Variants in WDFY4 observed in about 807,000 individuals in gnomAD.
The protein encoded by WDFY4 is WDFY family member 4.
In WDFY4, 169 loss-of-function variants were observed where a neutral mutation model predicts 351.9. That is an observed-to-expected ratio of 0.48 (90% CI 0.42 to 0.55). WDFY4 has a LOEUF of 0.55. Among genes scored for constraint, WDFY4 ranks in the 20% least tolerant of loss-of-function variants. The pLI is 0.00. For missense variants in WDFY4, 3,803 were observed against 3,935.6 expected, an observed-to-expected ratio of 0.97 and a Z score of 0.90; for synonymous variants, 1,622 against 1,574.6, an observed-to-expected ratio of 1.03 and a Z score of -0.71.
At chr10:48,887,929 C>A (rs1004714403) in intron 43 of WDFY4, among the ~76,000 whole-genome samples, 1 of 152,164 alleles carries the variant, frequency 6.6e-6, no homozygotes, top group Admixed American at 6.5e-5. Flanking sequence ...TAAACTGTAG[C>A]ATATCCATTC....
At chr10:48,726,160 T>G in intron 6 of WDFY4, 90 bp downstream of exon 6, 1 of 1,409,258 alleles carries the variant, frequency 7.1e-7, no homozygotes, top group Non-Finnish European at 9.5e-7. Flanking sequence ...CTTTCTACAA[T>G]GAGACTTGGG....
intron 41 of WDFY4, among the ~76,000 whole-genome samples, chr10:48,874,277 G>A (rs374313232): frequency 1.2e-4 from 19 of 152,294 alleles, no homozygotes; most frequent in African/African-American, 2.9e-4. Context: ...GAACTGTGTC[G>A]CAAACTCTTA....
intron 47 of WDFY4, among the ~76,000 whole-genome samples, chr10:48,914,883 C>G (rs561506781): frequency 2.0e-5 from 3 of 152,134 alleles, no homozygotes; most frequent in Non-Finnish European, 4.4e-5. Context: ...ATGGGGGGTG[C>G]GGGCAAAGCT....
intron 2 of WDFY4, among the ~76,000 whole-genome samples, chr10:48,715,736 C>T (rs1429021372): frequency 6.6e-6 from 1 of 152,158 alleles, no homozygotes; most frequent in African/African-American, 2.4e-5. Context: ...TGCCATTCTC[C>T]TGCCTCAGCC....
chr10:48,958,593 T>A (rs1279305937), intron 52 of WDFY4, among the ~76,000 whole-genome samples: 1 of 152,130 alleles, frequency 6.6e-6, no homozygotes, highest in East Asian at 1.9e-4. Flanking sequence ...GCACCTACTG[T>A]ATATAGGGAC....
intron 47 of WDFY4, among the ~76,000 whole-genome samples, chr10:48,934,416 C>T (rs565535002): frequency 6.6e-6 from 1 of 152,182 alleles, no homozygotes; most frequent in Admixed American, 6.5e-5. Context: ...GGGGATACAG[C>T]AATTGAGGCT....
At chr10:48,797,301 C>T (rs1374717887) in intron 24 of WDFY4, among the ~76,000 whole-genome samples, 1 of 152,138 alleles carries the variant, frequency 6.6e-6, no homozygotes, top group Non-Finnish European at 1.5e-5. Flanking sequence ...GGTTAGACTG[C>T]CCAGACTACA....
At chr10:48,881,095 G>T (rs578260092) in intron 43 of WDFY4, among the ~76,000 whole-genome samples, 4 of 152,366 alleles carry the variant, frequency 2.6e-5, no homozygotes, top group South Asian at 4.1e-4. Flanking sequence ...TTGACATGGG[G>T]CTGTGTCTCT....
Position 48,709,814 on chromosome 10 carries a change from C to A in WDFY4, c.82C>A (p.Gln28Lys), listed in dbSNP as rs1403939414. 1.3e-6 allele frequency: 2 copies of A among 1,551,786 alleles called. No homozygotes were observed. Among genetic ancestry groups the A allele is most frequent in the Admixed American group, 2.0e-5 (1 of 50,994 alleles). Residue 28 changes from glutamine (Q) to lysine (K), a missense_variant, in exon 2 of 62, where the codon CAG (glutamine) becomes AAG (lysine). By Grantham distance (53) the Gln-to-Lys change is moderately conservative. This residue lies in a region of WDFY4 where 488 missense variants were observed against 456.8 expected (regional missense o/e 1.07). Coordinates refer to ENST00000325239, the MANE Select transcript of WDFY4 (RefSeq NM_001394531.1). ...SKNEGQLAAV[Q>K]PDVPHGGQSS... is the part of the protein sequence containing the mutation. ...AAATGAAGGGCAGCTTGCTGCTGTG[C>A]AGCCTGATGTCCCACATGGAGGGCA...
At chr10:48,914,450 G>T (rs892054511) in intron 47 of WDFY4, among the ~76,000 whole-genome samples, 4 of 152,156 alleles carry the variant, frequency 2.6e-5, no homozygotes, top group African/African-American at 7.2e-5. Context: ...GAGGTGCAGG[G>T]TCAGCCTGAA....
chr10:48,931,464 G>A (rs1398056900), intron 47 of WDFY4, among the ~76,000 whole-genome samples: 6 of 152,200 alleles, frequency 3.9e-5, no homozygotes, highest in African/African-American at 4.8e-5. Context: ...ACAGAGGGCC[G>A]TGCTATAAAC....
chr10:48,865,556 A>G (rs894175065), intron 39 of WDFY4, among the ~76,000 whole-genome samples: 4 of 152,164 alleles, frequency 2.6e-5, no homozygotes, highest in Non-Finnish European at 5.9e-5. Flanking sequence ...TTTCTGTGTC[A>G]GGGTAATAAC....
At chr10:48,753,141 G>C (rs2065234701) in intron 12 of WDFY4, among the ~76,000 whole-genome samples, 1 of 151,928 alleles carries the variant, frequency 6.6e-6, no homozygotes, top group Non-Finnish European at 1.5e-5. Flanking sequence ...TTTTTTATGT[G>C]CTTTTTGGCC....
chr10:48,823,109 C>A, intron 35 of WDFY4: 2 of 1,294,802 alleles, frequency 1.5e-6, no homozygotes, highest in Non-Finnish European at 2.0e-6. Context: ...TATGTATGTG[C>A]ATGCATATAC....
At position 48,969,134 on chromosome 10, in the gene WDFY4, G is replaced by T; in HGVS notation, c.8655G>T (p.Lys2885Asn). The change falls in exon 56 of 62, where the codon AAG becomes AAT. Residue 2885 changes from lysine (K) to asparagine (N), a missense_variant. Physicochemically the swap from Lys to Asn is moderately conservative, Grantham distance 94. This residue lies in a region of WDFY4 where 3,054 missense variants were observed against 3,148.6 expected (regional missense o/e 0.97). Coordinates refer to ENST00000325239, the MANE Select transcript of WDFY4 (RefSeq NM_001394531.1). ...TTGGCCACATTGTCTCTACTGAGAA[G>T]ACCATTCTGGCTGTAGAGAGGAACA... ...GAIGHIVSTEKTILAVERNKV... is the reference protein window; with the variant it reads ...GAIGHIVSTENTILAVERNKV... 2 of 1,551,794 alleles carry T rather than the reference G, an allele frequency of 1.3e-6. No individual in the cohort carries two copies. Among genetic ancestry groups the T allele is most frequent in the Non-Finnish European group, 1.7e-6 (2 of 1,146,992 alleles).
At chr10:48,893,555 G>T (rs540496664) in intron 44 of WDFY4, among the ~76,000 whole-genome samples, 6 of 152,250 alleles carry the variant, frequency 3.9e-5, no homozygotes, top group African/African-American at 1.4e-4. Flanking sequence ...GTTTTATTCA[G>T]TTCAACAAAT....
At position 48,982,701 on chromosome 10, in the gene WDFY4, G is replaced by A. The variant is rs943413278; in HGVS notation, c.*126G>A. ...CTCCTTCCCCACAGTTCTCAAGGAA[G>A]GGCCTCTGGCAATCACAGCTCTGCA... On this transcript the variant is annotated 3_prime_UTR_variant, in exon 62 of 62. Coordinates refer to ENST00000325239, the MANE Select transcript of WDFY4 (RefSeq NM_001394531.1). 9.4e-6 allele frequency: 9 copies of A among 956,104 alleles called. No individual in the cohort carries two copies. Among genetic ancestry groups the A allele is most frequent in the Admixed American group, 8.4e-5 (4 of 47,866 alleles). The allele number at this position is 956,104 out of a possible 1,614,324, so 59.2% of individuals were successfully genotyped here.
intron 47 of WDFY4, among the ~76,000 whole-genome samples, chr10:48,917,658 GCAA>G (rs1838675454): frequency 6.6e-6 from 1 of 152,160 alleles, no homozygotes; most frequent in Non-Finnish European, 1.5e-5. Flanking sequence ...ATAAATGAAG[GCAA>G]AATAAAGACA....
At chr10:48,776,726 C>G (rs1243046907) in intron 15 of WDFY4, 24 bp from the exon 16 acceptor site, 1 of 1,497,872 alleles carries the variant, frequency 6.7e-7, no homozygotes, top group Non-Finnish European at 8.9e-7. Context: ...AGAGACACAT[C>G]TCTTCTCTTG....
Sources: gnomAD v4.1 joint callset for allele counts (sites outside exome capture counted in the v4.1 genomes callset) on GRCh38, gnomAD v4.1.1 for gene constraint, gnomAD v4.1.1 regional missense constraint, MANE v1.5 for transcripts, NCBI Gene and HGNC (gene_info 2026-07-23, HGNC 2026-07-21) for gene names.